Variants in IRAK4 observed in about 807,000 individuals in gnomAD.
The protein encoded by IRAK4 is interleukin-1 receptor-associated kinase 4.
IRAK4 carries 44 observed loss-of-function variants against 51.8 expected under a neutral mutation model. The observed-to-expected ratio is 0.85, with a 90% CI of 0.67 to 1.09. The LOEUF is 1.09. IRAK4 is among the 50% of genes least tolerant of loss of function. The pLI is 0.00. For synonymous variants in IRAK4, 149 were observed against 174.1 expected, an observed-to-expected ratio of 0.86 and a Z score of 1.13; for missense variants, 487 against 538.0, an observed-to-expected ratio of 0.91 and a Z score of 0.94.
At chr12:43,770,924 T>A in intron 2 of IRAK4, 1 of 551,588 alleles carries the variant, frequency 1.8e-6, no homozygotes, top group Non-Finnish European at 3.4e-6. Context: ...GGGAGTGGGT[T>A]TCTGATAAAA....
At chr12:43,782,034 T>C (rs1941817552) in intron 8 of IRAK4, among the ~76,000 whole-genome samples, 1 of 151,200 alleles carries the variant, frequency 6.6e-6, no homozygotes, top group South Asian at 2.1e-4. Context: ...TTTTATTTCA[T>C]TTTTATTCTC....
intron 8 of IRAK4, among the ~76,000 whole-genome samples, chr12:43,780,574 T>G (rs1941690311): frequency 6.9e-6 from 1 of 144,862 alleles, no homozygotes; most frequent in Admixed American, 6.9e-5. Context: ...TGTATGTTCT[T>G]TTTTTTTTTT....
In IRAK4 at chr12:43,788,823, A is replaced by T. The variant is rs1199416042; in HGVS notation, c.*2108A>T. 6.6e-6 allele frequency: 1 copy of T among 152,008 alleles called. No individual in the cohort carries two copies. The highest frequency in any genetic ancestry group is 1.5e-5 in the Non-Finnish European group (1 of 68,030). 9.4% of individuals were successfully genotyped at this position (152,008 alleles called of 1,614,324 possible). A position where few individuals can be genotyped will look rare whatever the true frequency, so the allele number is the denominator to read the frequency against. On this transcript the variant is annotated 3_prime_UTR_variant, in exon 12 of 12. Coordinates refer to ENST00000613694, the MANE Select transcript of IRAK4 (RefSeq NM_016123.4). The stretch of plus-strand genomic sequence containing the variant: ...CCAAAGTGCCAGTATTTAAAGTTTA[A>T]TGTCTTCCCAGCTGGGTTTCAGACT...
At chr12:43,766,653 G>A (rs1940180304) in intron 1 of IRAK4, among the ~76,000 whole-genome samples, 1 of 152,210 alleles carries the variant, frequency 6.6e-6, no homozygotes, top group Non-Finnish European at 1.5e-5. Flanking sequence ...TAAAAGCAGA[G>A]TTGTATGGCA....
intron 8 of IRAK4, among the ~76,000 whole-genome samples, chr12:43,779,585 C>A (rs4251512): frequency 0.02 from 3,067 of 152,188 alleles, 47 homozygotes; most frequent in Admixed American, 0.036. Flanking sequence ...AATGGCAAAA[C>A]TTGTTGATAC....
intron 1 of IRAK4, among the ~76,000 whole-genome samples, chr12:43,764,553 A>C (rs574477544): frequency 6.6e-6 from 1 of 152,238 alleles, no homozygotes; most frequent in Non-Finnish European, 1.5e-5. Flanking sequence ...AACCACATCA[A>C]TGAAGTCTTT....
chr12:43,786,723 T>A lies in IRAK4; in HGVS notation c.*8T>A. 1 of 1,612,082 alleles carries A rather than the reference T, an allele frequency of 6.2e-7. No homozygotes were observed. The highest frequency in any genetic ancestry group is 8.5e-7 in the Non-Finnish European group (1 of 1,178,404). The stretch of plus-strand genomic sequence containing the variant: ...GAGATGACAGCTTCTTAAAACTTTA[T>A]TGGAAAAGACTCTTGACTTTTTATA... On this transcript the variant is annotated 3_prime_UTR_variant, in exon 12 of 12. Coordinates refer to ENST00000613694, the MANE Select transcript of IRAK4 (RefSeq NM_016123.4).
chr12:43,772,864 T>G (rs1592232756), intron 4 of IRAK4, 48 bp from the exon 5 acceptor site: 2 of 1,361,430 alleles, frequency 1.5e-6, no homozygotes, highest in Non-Finnish European at 1.0e-6. Flanking sequence ...TTATAATTAT[T>G]AAAACGAATT....
intron 8 of IRAK4, among the ~76,000 whole-genome samples, chr12:43,780,129 G>A (rs1358676463): frequency 6.6e-6 from 1 of 152,136 alleles, no homozygotes; most frequent in Non-Finnish European, 1.5e-5. Context: ...AGAGTCAAGG[G>A]CTTTAATCAT....
At chr12:43,765,572 G>A (rs748242237) in intron 1 of IRAK4, among the ~76,000 whole-genome samples, 13 of 151,436 alleles carry the variant, frequency 8.6e-5, no homozygotes, top group Non-Finnish European at 1.3e-4. Context: ...GTCTCAACTA[G>A]ATCCTGTTTA....
chr12:43,786,273 A>C, intron 10 of IRAK4, 126 bp from the exon 11 acceptor site: 1 of 585,714 alleles, frequency 1.7e-6, no homozygotes, highest in Non-Finnish European at 2.5e-6. Flanking sequence ...ATAAGGTTTT[A>C]AGATAAGATA....
In IRAK4 at chr12:43,786,688, G is replaced by A. The variant is rs2138088730; in HGVS notation, c.1356G>A (p.Gln452=). Residue 452 remains glutamine (Q), a synonymous_variant, in exon 12 of 12, where the codon CAG becomes CAA. Transcript: ENST00000613694. ...TTCTTTCTTTTTAAAAGGTTCAACA[G>A]CTGCTGCAAGAGATGACAGCTTCTT... ...NKRPDIKKVQ[Q]LLQEMTAS is the part of the protein sequence containing the mutation. The A allele has an allele frequency of 6.2e-7, 1 of 1,613,568 alleles. No individual in the cohort carries two copies. Among genetic ancestry groups the A allele is most frequent in the Non-Finnish European group, 8.5e-7 (1 of 1,179,720 alleles).
chr12:43,775,704 AC>A (rs1941196208), intron 6 of IRAK4, among the ~76,000 whole-genome samples: 1 of 152,126 alleles, frequency 6.6e-6, no homozygotes, highest in South Asian at 2.1e-4. Context: ...AGTTATACTT[AC>A]TTTATCATCT....
chr12:43,777,275 G>C (rs1179376002), intron 6 of IRAK4, among the ~76,000 whole-genome samples: 1 of 152,100 alleles, frequency 6.6e-6, no homozygotes, highest in African/African-American at 2.4e-5. Context: ...AGTAGTCCAA[G>C]CTACTTGGGA....
chr12:43,766,843 G>A (rs1304242505), intron 1 of IRAK4, among the ~76,000 whole-genome samples: 1 of 152,132 alleles, frequency 6.6e-6, no homozygotes, highest in Non-Finnish European at 1.5e-5. Context: ...AAATTAGCAT[G>A]GTCCTGAACT....
rs1156822426 is a variant in IRAK4 at position 43,789,509 on chromosome 12, T to C, written c.*2794T>C. On this transcript the variant is annotated 3_prime_UTR_variant, in exon 12 of 12. Coordinates refer to ENST00000613694, the MANE Select transcript of IRAK4 (RefSeq NM_016123.4). The stretch of plus-strand genomic sequence containing the variant: ...ATATAAATTTGTAATTTTTAAGTTA[T>C]AGATTGTTTTTATTAAACACTTATG... The C allele has an allele frequency of 1.3e-5, 2 of 152,258 alleles. No homozygotes were observed. Among genetic ancestry groups the C allele is most frequent in the Non-Finnish European group, 2.9e-5 (2 of 68,040 alleles). The allele number at this position is 152,258 out of a possible 1,614,324, so 9.4% of individuals were successfully genotyped here.
intron 8 of IRAK4, among the ~76,000 whole-genome samples, chr12:43,779,846 C>G (rs1157116075): frequency 6.6e-6 from 1 of 152,068 alleles, no homozygotes; most frequent in African/African-American, 2.4e-5. Context: ...AGATTTGGAG[C>G]TGGAGGTCTG....
At chr12:43,763,691 C>G (rs1478571940) in intron 1 of IRAK4, among the ~76,000 whole-genome samples, 2 of 151,992 alleles carry the variant, frequency 1.3e-5, no homozygotes, top group African/African-American at 4.8e-5. Flanking sequence ...CTCTCTTTCC[C>G]TACCCCTCCA....
chr12:43,786,997 A>G lies in IRAK4; in HGVS notation c.*282A>G, dbSNP rs1339657114. 2 of 449,982 alleles carry G rather than the reference A, an allele frequency of 4.4e-6. No individual in the cohort carries two copies. The highest frequency in any genetic ancestry group is 4.0e-5 in the African/African-American group (2 of 50,256). 27.9% of individuals were successfully genotyped at this position (449,982 alleles called of 1,614,324 possible). On this transcript the variant is annotated 3_prime_UTR_variant, in exon 12 of 12. Coordinates refer to ENST00000613694, the MANE Select transcript of IRAK4 (RefSeq NM_016123.4). Reference sequence around the variant, plus strand: ...AGTTTGAAAATTACAGGGTTAGCAAAAAGAGCCTGGGCTGTATGTAGGGTG... The same window carrying G: ...AGTTTGAAAATTACAGGGTTAGCAAGAAGAGCCTGGGCTGTATGTAGGGTG...
Sources: allele counts gnomAD v4.1 joint callset (sites outside exome capture counted in the v4.1 genomes callset), GRCh38; gene constraint gnomAD v4.1.1; transcripts MANE v1.5; gene names NCBI Gene and HGNC (gene_info 2026-07-23, HGNC 2026-07-21).